PRKN: variants seen among roughly 807,000 people sequenced by gnomAD.
PRKN encodes parkin RBR E3 ubiquitin protein ligase.
A neutral mutation model predicts 59.5 loss-of-function variants in PRKN; 56 were observed. That is an observed-to-expected ratio of 0.94 (90% CI 0.76 to 1.18). The LOEUF is 1.18. PRKN is among the 50% of genes most tolerant of loss of function. The pLI, the probability that PRKN is intolerant of heterozygous loss-of-function variation, is 0.00. For synonymous variants in PRKN, 250 were observed against 222.1 expected (o/e 1.13, Z -1.12); for missense variants, 657 against 596.4 (o/e 1.10, Z -1.06).
rs367896524 is a variant in PRKN at position 162,418,168 on chromosome 6, T to A, written c.171+25142A>T. On this transcript the variant is annotated intron_variant, in intron 2 of 11. Coordinates refer to ENST00000366898, the MANE Select transcript of PRKN (RefSeq NM_004562.3). The stretch of plus-strand genomic sequence containing the variant: ...GGTACATACATACAATGGAATATTA[T>A]TTGGCAATAAAAATGAAGTGCAGAT... Among the ~76,000 whole-genome samples, 13 of 152,322 alleles carry A rather than the reference T, an allele frequency of 8.5e-5. No homozygotes were observed. In the East Asian group the frequency reaches 9.6e-4, roughly 11 times the overall value.
rs1334202126 is a variant in PRKN, at chr6:161,510,728, G to T, written c.1083+38126C>A. 2.0e-5 allele frequency among the ~76,000 whole-genome samples: 3 copies of T among 152,142 alleles called. No individual in the cohort carries two copies. In the East Asian group the frequency reaches 5.8e-4, roughly 29 times the overall value. Reference sequence around the variant, plus strand: ...AAGTTATGTTTTTGCTAACCTTCAAGAAAATAATAGCAAGTCAAGACTTCC... The same window carrying T: ...AAGTTATGTTTTTGCTAACCTTCAATAAAATAATAGCAAGTCAAGACTTCC... On this transcript the variant is annotated intron_variant, in intron 9 of 11. Coordinates refer to ENST00000366898, the MANE Select transcript of PRKN (RefSeq NM_004562.3).
chr6:162,577,748 G>A (rs1780619991), intron 1 of PRKN, among the ~76,000 whole-genome samples: 1 of 152,116 alleles, frequency 6.6e-6, no homozygotes, highest in South Asian at 2.1e-4. Flanking sequence ...CAGTAACATA[G>A]TGAGGATCTG....
In PRKN at chr6:161,527,206, G is replaced by C. The variant is rs560962931; in HGVS notation, c.1083+21648C>G. ...TCTTTTACAAAAGAACAGCTATTCAGAGGCACTTCTGTGTCTGCAACTTCT... is the reference window on the plus strand; with the variant it reads ...TCTTTTACAAAAGAACAGCTATTCACAGGCACTTCTGTGTCTGCAACTTCT... On this transcript the variant is annotated intron_variant, in intron 9 of 11. Coordinates refer to ENST00000366898, the MANE Select transcript of PRKN (RefSeq NM_004562.3). This position sits in a 1 kb window ranked among gnomAD's most constrained non-coding sequence, Gnocchi z 4.6. 6.6e-6 allele frequency among the ~76,000 whole-genome samples: 1 copy of C among 152,264 alleles called. No homozygotes were observed. Among genetic ancestry groups the C allele is most frequent in the East Asian group, 1.9e-4 (1 of 5,170 alleles).
Position 162,229,449 on chromosome 6 carries a change from A to G in PRKN, c.413-28197T>C, listed in dbSNP as rs137931291. 4.5e-3 allele frequency among the ~76,000 whole-genome samples: 687 copies of G among 152,320 alleles called. 8 individuals are homozygous for G. Among genetic ancestry groups the G allele is most frequent in the African/African-American group, 0.016 (657 of 41,574 alleles). Reference sequence around the variant, plus strand: ...CACCTGCTCTTACCTGGAATCCATTACCTGCATCCATTTCAGCCTGCCTGA... The same window carrying G: ...CACCTGCTCTTACCTGGAATCCATTGCCTGCATCCATTTCAGCCTGCCTGA... On this transcript the variant is annotated intron_variant, in intron 3 of 11. Transcript: ENST00000366898.
At chr6:162,098,333 C>T (rs1011164762) in intron 4 of PRKN, among the ~76,000 whole-genome samples, 1 of 152,114 alleles carries the variant, frequency 6.6e-6, no homozygotes, top group Non-Finnish European at 1.5e-5. Flanking sequence ...TGGGAGTGGG[C>T]ATACCATGAG....
intron 1 of PRKN, among the ~76,000 whole-genome samples, chr6:162,449,134 G>T (rs1790467937): frequency 6.6e-6 from 1 of 151,988 alleles, no homozygotes; most frequent in African/African-American, 2.4e-5. Context: ...TGATCAATTC[G>T]CCTCAGCCTC....
chr6:162,499,676 T>A (rs1793273387), intron 1 of PRKN, among the ~76,000 whole-genome samples: 1 of 152,224 alleles, frequency 6.6e-6, no homozygotes. Flanking sequence ...CTAAGGTGGT[T>A]GTCCAAAGCA....
intron 1 of PRKN, among the ~76,000 whole-genome samples, chr6:162,523,872 A>C (rs976894339): frequency 6.6e-6 from 1 of 151,656 alleles, no homozygotes; most frequent in African/African-American, 2.4e-5. Flanking sequence ...TATGTTTAAA[A>C]AACAAAAAAT....
chr6:161,400,845 T>C lies in PRKN; in HGVS notation c.1084-13968A>G, dbSNP rs780349911. ...CTGCCACACACTCTGAGTCATTTGT[T>C]AAAGAAAGCCAGAGAATAAGAACTG... On this transcript the variant is annotated intron_variant, in intron 9 of 11. Coordinates refer to ENST00000366898, the MANE Select transcript of PRKN (RefSeq NM_004562.3). The surrounding 1 kb of genome is among the most constrained non-coding windows in gnomAD (Gnocchi z 4.2). Among the ~76,000 whole-genome samples, 3 of 152,140 alleles carry C rather than the reference T, an allele frequency of 2.0e-5. No homozygotes were observed. Among genetic ancestry groups the C allele is most frequent in the Admixed American group, 6.5e-5 (1 of 15,276 alleles).
At chr6:162,306,422 A>C (rs1174545105) in intron 2 of PRKN, among the ~76,000 whole-genome samples, 1 of 152,162 alleles carries the variant, frequency 6.6e-6, no homozygotes, top group African/African-American at 2.4e-5. Flanking sequence ...GTGCATCTAA[A>C]TCTTCCCTGA....
intron 5 of PRKN, among the ~76,000 whole-genome samples, chr6:162,017,608 G>C (rs951395365): frequency 6.6e-6 from 1 of 151,980 alleles, no homozygotes; most frequent in Admixed American, 6.6e-5. Flanking sequence ...CATTTCATGC[G>C]ATCATTCTTC....
intron 7 of PRKN, among the ~76,000 whole-genome samples, chr6:161,625,820 G>C (rs567311202): frequency 2.0e-4 from 31 of 152,172 alleles, no homozygotes; most frequent in African/African-American, 7.0e-4. Context: ...CATAGGCCAG[G>C]CCTCCTTAGG....
chr6:161,726,087 C>T (rs1213649422), intron 7 of PRKN, among the ~76,000 whole-genome samples: 1 of 152,224 alleles, frequency 6.6e-6, no homozygotes, highest in Non-Finnish European at 1.5e-5. Flanking sequence ...TAGTCTGAGG[C>T]TCTCGTCAAT....
At chr6:162,480,802 T>C (rs1270216020) in intron 1 of PRKN, among the ~76,000 whole-genome samples, 1 of 152,054 alleles carries the variant, frequency 6.6e-6, no homozygotes. Flanking sequence ...ACAGTGTATT[T>C]TAACTGATTC....
chr6:161,948,541 TA>T (rs1779866163), intron 6 of PRKN, among the ~76,000 whole-genome samples: 1 of 151,014 alleles, frequency 6.6e-6, no homozygotes, highest in African/African-American at 2.4e-5. Context: ...GAAAGAAGAG[TA>T]AAGAAGGAGG....
At chr6:161,680,034 A>T (rs1449501013) in intron 7 of PRKN, among the ~76,000 whole-genome samples, 15 of 152,096 alleles carry the variant, frequency 9.9e-5, no homozygotes, top group Non-Finnish European at 1.9e-4. Context: ...GATTACAGGC[A>T]TGAGCCACCG....
chr6:161,773,738 T>C (rs1001187020), intron 7 of PRKN, among the ~76,000 whole-genome samples: 2 of 152,220 alleles, frequency 1.3e-5, no homozygotes, highest in Non-Finnish European at 2.9e-5. Context: ...AAAATTATTT[T>C]TATTCTCTCT....
Position 161,764,249 on chromosome 6 carries a change from A to G in PRKN, c.871+21523T>C, listed in dbSNP as rs149197015. On this transcript the variant is annotated intron_variant, in intron 7 of 11. Transcript: ENST00000366898. ...TATAGCTGCATGGTTTTTCATAAAT[A>G]TCTGAAACCCCCACTGAATTGCAAG... 7.0e-3 allele frequency among the ~76,000 whole-genome samples: 1,070 copies of G among 152,290 alleles called. 9 individuals are homozygous for G. The highest frequency in any genetic ancestry group is 0.025 in the African/African-American group (1,019 of 41,574).
chr6:162,679,563 T>G (rs2803086), intron 1 of PRKN, among the ~76,000 whole-genome samples: 1 of 151,984 alleles, frequency 6.6e-6, no homozygotes, highest in Non-Finnish European at 1.5e-5. Context: ...AACATTTAAG[T>G]CTATTGTTTG....
Sources: allele counts gnomAD v4.1 joint callset (sites outside exome capture counted in the v4.1 genomes callset), GRCh38; gene constraint gnomAD v4.1.1; non-coding constraint Gnocchi (gnomAD v3.1); transcripts MANE v1.5; gene names NCBI Gene and HGNC (gene_info 2026-07-23, HGNC 2026-07-21).